The following SYNE2 variants were observed in gnomAD, a reference collection of about 807,000 sequenced individuals.
The protein encoded by SYNE2 is nesprin-2.
SYNE2 carries 431 observed loss-of-function variants against 856.3 expected under a neutral mutation model. The observed-to-expected ratio is 0.50, with a 90% CI of 0.47 to 0.55. The LOEUF is 0.55. SYNE2 is among the 20% of genes least tolerant of loss of function. SYNE2 has a pLI of 0.00. For missense variants in SYNE2, 8,129 were observed against 8,023.2 expected, an observed-to-expected ratio of 1.01 and a Z score of -0.50; for synonymous variants, 2,923 against 2,872.3, an observed-to-expected ratio of 1.02 and a Z score of -0.56.
At chr14:63,872,781 A>AAAAAT (rs1897177405) in intron 1 of SYNE2, among the ~76,000 whole-genome samples, 1 of 150,972 alleles carries the variant, frequency 6.6e-6, no homozygotes, top group South Asian at 2.1e-4. Flanking sequence ...AAAAAAAAAA[A>AAAAAT]GATGATATGT....
intron 2 of SYNE2, among the ~76,000 whole-genome samples, chr14:63,923,427 A>G (rs2095623673): frequency 1.3e-5 from 2 of 152,222 alleles, no homozygotes; most frequent in African/African-American, 4.8e-5. Flanking sequence ...TTTTCCCAAC[A>G]AACTAAGTAC....
intron 100 of SYNE2, among the ~76,000 whole-genome samples, 186 bp downstream of exon 100, chr14:64,203,149 T>C (rs1460678315): frequency 6.6e-6 from 1 of 152,230 alleles, no homozygotes; most frequent in African/African-American, 2.4e-5. Context: ...CCCTCCCACA[T>C]TCATGTAGCT....
intron 99 of SYNE2, chr14:64,196,641 AAATTT>A (rs2098541900): frequency 6.6e-6 from 1 of 152,210 alleles, no homozygotes; most frequent in Non-Finnish European, 1.5e-5. Flanking sequence ...TGAAACAGAG[AAATTT>A]AATTTGAGGA....
In SYNE2 at chr14:63,963,156, G is replaced by A. The variant is rs538447564; in HGVS notation, c.889-743G>A. Among the ~76,000 whole-genome samples, 5 of 152,310 alleles carry A rather than the reference G, an allele frequency of 3.3e-5. No individual in the cohort carries two copies. In the East Asian group the frequency reaches 5.8e-4, roughly 18 times the overall value. Reference sequence around the variant, plus strand: ...AGATTGTTGCTGACTCTGGAAGAGAGTCTCAAGCTGAGATGCAGGCTTATA... The same window carrying A: ...AGATTGTTGCTGACTCTGGAAGAGAATCTCAAGCTGAGATGCAGGCTTATA... On this transcript the variant is annotated intron_variant, in intron 9 of 115. Transcript: ENST00000555002.
intron 47 of SYNE2, among the ~76,000 whole-genome samples, chr14:64,050,281 G>C (rs1370932629): frequency 6.6e-6 from 1 of 152,128 alleles, no homozygotes. Context: ...CCACCCTCAT[G>C]ACCTAATCAC....
At chr14:64,039,585 C>G (rs1162444940) in intron 45 of SYNE2, among the ~76,000 whole-genome samples, 1 of 152,130 alleles carries the variant, frequency 6.6e-6, no homozygotes, top group Non-Finnish European at 1.5e-5. Context: ...AAAGAGTAGA[C>G]GTTGTTGGCC....
chr14:64,047,873 C>G, intron 45 of SYNE2, 127 bp from the exon 46 acceptor site: 1 of 1,018,688 alleles, frequency 9.8e-7, no homozygotes, highest in Non-Finnish European at 1.5e-6. Flanking sequence ...TTCGTAGTGC[C>G]CAAATATACT....
chr14:63,797,372 C>G (rs61985722), intron 1 of SYNE2, among the ~76,000 whole-genome samples: 80,049 of 151,632 alleles, frequency 0.53, 21,984 homozygotes, highest in South Asian at 0.65. Context: ...GCTTGGGTGA[C>G]AGAGTGAGAC....
intron 84 of SYNE2, among the ~76,000 whole-genome samples, chr14:64,147,447 A>G (rs1463916057): frequency 6.6e-6 from 1 of 152,204 alleles, no homozygotes; most frequent in Non-Finnish European, 1.5e-5. Context: ...TTAGAATGAC[A>G]TTCTGGTCCC....
intron 1 of SYNE2, among the ~76,000 whole-genome samples, chr14:63,821,343 G>A (rs1025416822): frequency 7.3e-5 from 11 of 151,710 alleles, no homozygotes; most frequent in African/African-American, 2.7e-4. Flanking sequence ...TTTAAAATTT[G>A]GTACATAAGC....
At chr14:64,217,576 AAGAC>A (rs1339736054) in intron 108 of SYNE2, among the ~76,000 whole-genome samples, 1 of 152,208 alleles carries the variant, frequency 6.6e-6, no homozygotes, top group Non-Finnish European at 1.5e-5. Flanking sequence ...AAAGAATAAT[AAGAC>A]AGGGGAAAGA....
At chr14:64,109,683 T>A (rs2097792702) in intron 65 of SYNE2, among the ~76,000 whole-genome samples, 1 of 152,214 alleles carries the variant, frequency 6.6e-6, no homozygotes, top group African/African-American at 2.4e-5. Flanking sequence ...GAGGAATTTG[T>A]CCACTTCTGA....
chr14:63,980,082 C>T (rs2096574395), intron 14 of SYNE2, among the ~76,000 whole-genome samples: 1 of 152,186 alleles, frequency 6.6e-6, no homozygotes, highest in Admixed American at 6.5e-5. Context: ...ATTTCTATTT[C>T]TTTTTCCTTG....
At position 64,007,107 on chromosome 14, in the gene SYNE2, C is replaced by A. The variant is rs786205488; in HGVS notation, c.4462C>A (p.Gln1488Lys). 1.2e-6 allele frequency: 2 copies of A among 1,613,150 alleles called. No individual in the cohort carries two copies. The highest frequency in any genetic ancestry group is 1.7e-6 in the Non-Finnish European group (2 of 1,179,316). Residue 1488 changes from glutamine (Q) to lysine (K), a missense_variant, in exon 31 of 116, where the codon CAA becomes AAA. By Grantham distance (53) the Gln-to-Lys change is moderately conservative. Coordinates refer to ENST00000555002, the MANE Select transcript of SYNE2 (RefSeq NM_182914.3). Reference protein sequence around the residue: ...DEYEEEKRHLQEMANSLPHFK... With the variant: ...DEYEEEKRHLKEMANSLPHFK... ...ATATGAAGAAGAGAAGAGACATTTA[C>A]AAGAAATGGCTAATTCTCTTCCACA...
In SYNE2 at chr14:63,917,679, A is replaced by G. The variant is rs567787693; in HGVS notation, c.79+8452A>G. On this transcript the variant is annotated intron_variant, in intron 2 of 115. Coordinates refer to ENST00000555002, the MANE Select transcript of SYNE2 (RefSeq NM_182914.3). ...GAGACGGGGTTTCTCCATGTTGGTC[A>G]GGCTGGTCTCTAACCCCCAACCTCA... Among the ~76,000 whole-genome samples the G allele has an allele frequency of 1.2e-4, 19 of 152,290 alleles. No homozygotes were observed. The East Asian group carries it at 3.7e-3, about 29-fold the overall frequency.
At chr14:64,223,525 G>A (rs2098704252) in intron 113 of SYNE2, 145 bp downstream of exon 113, 1 of 807,840 alleles carries the variant, frequency 1.2e-6, no homozygotes, top group East Asian at 2.7e-5. Flanking sequence ...CCTTTTTCTA[G>A]CTGTGTGGAC....
At chr14:63,847,999 G>C (rs1685388916), upstream of SYNE2, among the ~76,000 whole-genome samples, 1 of 152,158 alleles carries the variant, frequency 6.6e-6, no homozygotes, top group Non-Finnish European at 1.5e-5. Flanking sequence ...CGATTCTCCT[G>C]CCTCAGCCTC....
chr14:64,102,359 C>T (rs550659953), intron 64 of SYNE2, among the ~76,000 whole-genome samples: 1 of 152,286 alleles, frequency 6.6e-6, no homozygotes, highest in African/African-American at 2.4e-5. Context: ...CCTCTCTTCC[C>T]TCTTTCCTTT....
chr14:64,085,515 A>G (rs1427465227), intron 57 of SYNE2, among the ~76,000 whole-genome samples: 2 of 152,180 alleles, frequency 1.3e-5, no homozygotes. Context: ...AAATGTTTTC[A>G]TTTTATTTCA....
Sources: allele counts gnomAD v4.1 joint callset (sites outside exome capture counted in the v4.1 genomes callset), GRCh38; gene constraint gnomAD v4.1.1; transcripts MANE v1.5; gene names NCBI Gene and HGNC (gene_info 2026-07-23, HGNC 2026-07-21).